CSMD1: variants seen among roughly 807,000 people sequenced by gnomAD.
CSMD1 encodes the protein CUB and Sushi multiple domains 1, also known as CUB and sushi domain-containing protein 1.
A neutral mutation model predicts 417.5 loss-of-function variants in CSMD1; 213 were observed. The ratio of observed to expected loss-of-function variants is 0.51; its 90% CI spans 0.46 to 0.57. CSMD1 has a LOEUF of 0.57. Ranked by LOEUF, CSMD1 falls within the 20% of genes least tolerant of loss-of-function variation. The pLI is 0.00. For missense variants in CSMD1, 6,923 were observed against 4,529.7 expected, an observed-to-expected ratio of 1.53 and a Z score of -15.17; for synonymous variants, 2,862 against 1,736.8, an observed-to-expected ratio of 1.65 and a Z score of -16.11.
intron 3 of CSMD1, among the ~76,000 whole-genome samples, chr8:4,199,175 G>A (rs1020944179): frequency 6.6e-6 from 1 of 151,992 alleles, no homozygotes; most frequent in Non-Finnish European, 1.5e-5. Context: ...CACTGGGGAT[G>A]ATCCTACTTT....
At chr8:4,361,987 A>C (rs1276550652) in intron 3 of CSMD1, among the ~76,000 whole-genome samples, 1 of 152,054 alleles carries the variant, frequency 6.6e-6, no homozygotes, top group South Asian at 2.1e-4. Context: ...TAAATAAATA[A>C]ATAAAGTTTC....
At chr8:3,101,260 C>T (rs183211488) in intron 46 of CSMD1, among the ~76,000 whole-genome samples, 25 of 152,254 alleles carry the variant, frequency 1.6e-4, no homozygotes, top group East Asian at 1.9e-4. Context: ...TTTTCCTCAA[C>T]GCCACACCCT....
At chr8:4,002,168 G>A (rs561001716) in intron 4 of CSMD1, among the ~76,000 whole-genome samples, 10 of 152,154 alleles carry the variant, frequency 6.6e-5, no homozygotes, top group African/African-American at 2.4e-4. Context: ...AAAATCTTTA[G>A]CACAGAATGA....
chr8:4,853,501 G>C (rs190818813), intron 1 of CSMD1, among the ~76,000 whole-genome samples: 1 of 152,208 alleles, frequency 6.6e-6, no homozygotes, highest in South Asian at 2.1e-4. Flanking sequence ...AGGAGGCTTG[G>C]CAGCTTCCAC....
rs944453091 is a variant in CSMD1, at chr8:4,805,468, C to T, written c.86-167910G>A. The stretch of plus-strand genomic sequence containing the variant: ...GAGGCTCAGTGGGTTGAGAAGCCTG[C>T]GTCGAGAAGTCAGCGAGTGAAACGC... On this transcript the variant is annotated intron_variant, in intron 1 of 69. Coordinates refer to ENST00000635120, the MANE Select transcript of CSMD1 (RefSeq NM_033225.6). Among the ~76,000 whole-genome samples the T allele has an allele frequency of 3.9e-5, 6 of 152,174 alleles. No individual in the cohort carries two copies. The East Asian group carries it at 7.8e-4, about 20-fold the overall frequency.
intron 5 of CSMD1, among the ~76,000 whole-genome samples, chr8:3,874,270 C>G (rs1805671097): frequency 6.6e-6 from 1 of 152,152 alleles, no homozygotes; most frequent in South Asian, 2.1e-4. Context: ...TTAGAATGCT[C>G]AAGGTCCCTG....
intron 1 of CSMD1, among the ~76,000 whole-genome samples, chr8:4,914,423 A>G (rs936001121): frequency 1.3e-5 from 2 of 151,806 alleles, no homozygotes; most frequent in African/African-American, 4.8e-5. Context: ...AAAAAATACA[A>G]AAAAATTAAC....
chr8:4,354,469 T>C (rs1004135855), intron 3 of CSMD1, among the ~76,000 whole-genome samples: 16 of 152,140 alleles, frequency 1.1e-4, no homozygotes, highest in Non-Finnish European at 2.1e-4. Context: ...AAAATTATAA[T>C]ACATGGGGTG....
chr8:3,704,361 G>A (rs903637999), intron 7 of CSMD1, among the ~76,000 whole-genome samples: 9 of 152,102 alleles, frequency 5.9e-5, no homozygotes. Flanking sequence ...ATACCCAGTG[G>A]GCTCCATAGG....
intron 3 of CSMD1, among the ~76,000 whole-genome samples, chr8:4,408,640 A>G (rs13264886): frequency 0.13 from 20,322 of 152,166 alleles, 1,693 homozygotes; most frequent in Middle Eastern, 0.23. Flanking sequence ...ATATGACACC[A>G]TTTCAAGTTG....
chr8:3,616,814 C>T lies in CSMD1; in HGVS notation c.1010-17G>A, dbSNP rs746059471. 1.3e-5 allele frequency: 20 copies of T among 1,572,404 alleles called. No homozygotes were observed. The South Asian group carries it at 2.0e-4, about 16-fold the overall frequency. On this transcript the variant is annotated splice_polypyrimidine_tract_variant and intron_variant, in intron 7 of 69. Coordinates refer to ENST00000635120, the MANE Select transcript of CSMD1 (RefSeq NM_033225.6). ...CTTGGCTCACTGTAATAGACAGAAA[C>T]ATTGTCAAAATGCTGTATAGTTATT...
chr8:4,376,412 A>G (rs377684349), intron 3 of CSMD1, among the ~76,000 whole-genome samples: 13 of 152,284 alleles, frequency 8.5e-5, no homozygotes, highest in Middle Eastern at 3.4e-3. Context: ...TCTCTTGTGC[A>G]TATTTTTTTC....
chr8:4,908,757 G>T (rs1309665914), intron 1 of CSMD1, among the ~76,000 whole-genome samples: 1 of 126,930 alleles, frequency 7.9e-6, no homozygotes, highest in African/African-American at 3.0e-5. Flanking sequence ...TTGATGCTTA[G>T]AGTTTTCATG....
intron 3 of CSMD1, among the ~76,000 whole-genome samples, chr8:4,166,437 A>T (rs932149279): frequency 6.6e-6 from 1 of 152,228 alleles, no homozygotes; most frequent in Non-Finnish European, 1.5e-5. Context: ...CATAACATAG[A>T]ATGAAATAAC....
intron 3 of CSMD1, among the ~76,000 whole-genome samples, chr8:4,210,699 C>A (rs1800254605): frequency 6.6e-6 from 1 of 152,112 alleles, no homozygotes; most frequent in East Asian, 1.9e-4. Flanking sequence ...TCATTTTGCT[C>A]ATTTAATTGT....
intron 3 of CSMD1, among the ~76,000 whole-genome samples, chr8:4,218,553 G>C (rs984179741): frequency 2.0e-5 from 3 of 152,114 alleles, no homozygotes; most frequent in African/African-American, 7.2e-5. Context: ...TTGTTTCTGA[G>C]TCAAGTTGTC....
chr8:3,865,129 T>G (rs76794217), intron 5 of CSMD1, among the ~76,000 whole-genome samples: 2 of 152,180 alleles, frequency 1.3e-5, no homozygotes, highest in Admixed American at 6.5e-5. Context: ...TTCTCATCAT[T>G]TGTTCTGTGT....
chr8:3,560,436 T>G (rs1799420564), intron 10 of CSMD1, among the ~76,000 whole-genome samples: 1 of 152,088 alleles, frequency 6.6e-6, no homozygotes, highest in African/African-American at 2.4e-5. Context: ...ATGGGCAAAG[T>G]CAAGATGGGA....
intron 6 of CSMD1, among the ~76,000 whole-genome samples, chr8:3,736,908 G>A (rs547863157): frequency 6.6e-6 from 1 of 152,170 alleles, no homozygotes; most frequent in Non-Finnish European, 1.5e-5. Context: ...CATCCTACTA[G>A]AACATTCCGT....
Sources: allele counts gnomAD v4.1 joint callset (sites outside exome capture counted in the v4.1 genomes callset), GRCh38; gene constraint gnomAD v4.1.1; transcripts MANE v1.5; gene names NCBI Gene and HGNC (gene_info 2026-07-23, HGNC 2026-07-21).